Variants in NXPH1 observed in about 807,000 individuals in gnomAD.
The protein encoded by NXPH1 is neurexophilin 1, also known as neurexophilin-1.
A neutral mutation model predicts 23.7 loss-of-function variants in NXPH1; 5 were observed. The observed-to-expected ratio is 0.21, with a 90% confidence interval of 0.11 to 0.44. The LOEUF (loss-of-function observed/expected upper bound fraction) is 0.44. Among genes scored for constraint, NXPH1 ranks in the 20% least tolerant of loss-of-function variants. The probability of loss-of-function intolerance (pLI) is 0.99; values close to 1 mark genes in which losing one functional copy is unlikely to be tolerated. For synonymous variants in NXPH1, 144 were observed against 122.2 expected (o/e 1.18, Z -1.18); for missense variants, 324 against 321.6 (o/e 1.01, Z -0.06).
intron 2 of NXPH1, among the ~76,000 whole-genome samples, chr7:8,617,158 G>A (rs930958421): frequency 1.1e-4 from 16 of 152,066 alleles, no homozygotes; most frequent in African/African-American, 3.1e-4. Flanking sequence ...CCTACAATGC[G>A]CAGAACACTC....
intron 2 of NXPH1, among the ~76,000 whole-genome samples, chr7:8,631,221 A>G (rs1820121825): frequency 6.6e-6 from 1 of 152,188 alleles, no homozygotes; most frequent in Non-Finnish European, 1.5e-5. Context: ...TATCATGAAT[A>G]GTGCTGTAAT....
At chr7:8,595,174 G>A (rs960369654) in intron 2 of NXPH1, among the ~76,000 whole-genome samples, 1 of 151,850 alleles carries the variant, frequency 6.6e-6, no homozygotes, top group Non-Finnish European at 1.5e-5. Flanking sequence ...TATAAAGAAG[G>A]AGTGTTACTT....
intron 2 of NXPH1, among the ~76,000 whole-genome samples, chr7:8,458,417 A>G (rs922273747): frequency 6.6e-6 from 1 of 152,220 alleles, no homozygotes; most frequent in African/African-American, 2.4e-5. Flanking sequence ...ATACCCTGAT[A>G]CAGATTCTCT....
At chr7:8,549,553 T>C (rs1423778679) in intron 2 of NXPH1, among the ~76,000 whole-genome samples, 1 of 151,552 alleles carries the variant, frequency 6.6e-6, no homozygotes, top group Non-Finnish European at 1.5e-5. Flanking sequence ...GATTGTTTTC[T>C]TCCCCCTCTA....
intron 2 of NXPH1, among the ~76,000 whole-genome samples, chr7:8,556,153 A>G (rs1302014974): frequency 1.3e-5 from 2 of 151,648 alleles, no homozygotes; most frequent in Non-Finnish European, 3.0e-5. Flanking sequence ...AAAAATAAGT[A>G]TCTTTATAAT....
At chr7:8,530,131 C>T (rs1476965753) in intron 2 of NXPH1, among the ~76,000 whole-genome samples, 1 of 152,060 alleles carries the variant, frequency 6.6e-6, no homozygotes, top group Admixed American at 6.6e-5. Flanking sequence ...TAGAGAAAAA[C>T]CAATCATCAT....
intron 2 of NXPH1, among the ~76,000 whole-genome samples, chr7:8,595,350 T>C (rs1819198945): frequency 6.6e-6 from 1 of 151,978 alleles, no homozygotes; most frequent in Non-Finnish European, 1.5e-5. Context: ...AAAATATCAT[T>C]GGATGTAGAA....
In NXPH1 at chr7:8,524,279, A is replaced by G. The variant is rs78372609; in HGVS notation, c.54+88512A>G. ...AAAAAAAAAAAGGAAAGCTATTTTC[A>G]TACTTGTGAATCCTTATAGAATGAA... On this transcript the variant is annotated intron_variant, in intron 2 of 2. Coordinates refer to ENST00000405863, the MANE Select transcript of NXPH1 (RefSeq NM_152745.3). 7.6e-4 allele frequency among the ~76,000 whole-genome samples: 111 copies of G among 146,566 alleles called. 1 individual carries two copies. The East Asian group carries it at 0.018, about 24-fold the overall frequency.
chr7:8,572,650 T>C (rs770749499), intron 2 of NXPH1, among the ~76,000 whole-genome samples: 4 of 152,154 alleles, frequency 2.6e-5, no homozygotes, highest in South Asian at 2.1e-4. Flanking sequence ...CAAGGCAATG[T>C]TGAAAAATCA....
chr7:8,470,504 T>A (rs1816855592), intron 2 of NXPH1, among the ~76,000 whole-genome samples: 1 of 152,162 alleles, frequency 6.6e-6, no homozygotes, highest in South Asian at 2.1e-4. Context: ...CTTCTGAATA[T>A]TAGACCATTT....
At chr7:8,569,164 G>C (rs907697321) in intron 2 of NXPH1, among the ~76,000 whole-genome samples, 2 of 151,786 alleles carry the variant, frequency 1.3e-5, no homozygotes, top group Non-Finnish European at 2.9e-5. Context: ...TGGACATGGA[G>C]AGCATCACCT....
intron 2 of NXPH1, among the ~76,000 whole-genome samples, chr7:8,466,415 A>G (rs944863812): frequency 6.6e-6 from 1 of 152,210 alleles, no homozygotes; most frequent in Non-Finnish European, 1.5e-5. Flanking sequence ...AAGCACTAAA[A>G]TGAAGGAACA....
At chr7:8,700,469 G>A (rs1243537615) in intron 2 of NXPH1, among the ~76,000 whole-genome samples, 4 of 151,930 alleles carry the variant, frequency 2.6e-5, no homozygotes, top group African/African-American at 9.7e-5. Context: ...TATAAGTTCT[G>A]TCATAAATGC....
intron 2 of NXPH1, among the ~76,000 whole-genome samples, chr7:8,465,440 TGGTCCAGCTCAGCCTGGGTTGAGTTG>T (rs535234439): frequency 0.019 from 2,959 of 152,268 alleles, 102 homozygotes; most frequent in African/African-American, 0.067. Flanking sequence ...TTTTAGGTCA[TGGTCCAGCTCAGCCTGGGTTGAGTTG>T]GGAAGGATTG....
At chr7:8,479,276 TTGG>T (rs1817032501) in intron 2 of NXPH1, among the ~76,000 whole-genome samples, 1 of 152,128 alleles carries the variant, frequency 6.6e-6, no homozygotes, top group African/African-American at 2.4e-5. Context: ...ATTAACTTCA[TTGG>T]TGGTGGTAGT....
chr7:8,650,711 G>A (rs930753611), intron 2 of NXPH1, among the ~76,000 whole-genome samples: 1 of 152,138 alleles, frequency 6.6e-6, no homozygotes, highest in Admixed American at 6.5e-5. Flanking sequence ...TATCATTTCA[G>A]TTTTGGCAGC....
intron 2 of NXPH1, among the ~76,000 whole-genome samples, chr7:8,718,563 G>A (rs868523433): frequency 3.9e-5 from 6 of 152,210 alleles, no homozygotes; most frequent in African/African-American, 4.8e-5. Flanking sequence ...AATAGTTAAT[G>A]ACATCAAGAG....
intron 2 of NXPH1, among the ~76,000 whole-genome samples, chr7:8,568,189 A>G (rs183087556): frequency 6.6e-6 from 1 of 152,050 alleles, no homozygotes; most frequent in Admixed American, 6.6e-5. Context: ...TCTGTTGACT[A>G]TAACTGGTTC....
rs144810873 is a variant in NXPH1, at chr7:8,634,665, GTTTTTTTTTTTTT to G, written c.55-116325_55-116313del. On this transcript the variant is annotated intron_variant, in intron 2 of 2. Transcript: ENST00000405863. ...TGCATGGTAGAGATTGTCCAGAAGA[GTTTTTTTTTTTTT>G]TTTTTTTTTTTTTTTTTCCAAAGAG... Among the ~76,000 whole-genome samples the G allele has an allele frequency of 1.9e-3, 178 of 95,704 alleles. 2 individuals are homozygous for G. Among genetic ancestry groups the G allele is most frequent in the African/African-American group, 4.4e-3 (125 of 28,282 alleles). 62.8% of individuals were successfully genotyped at this position (95,704 alleles called of 152,430 possible).
Sources: allele counts gnomAD v4.1 joint callset (sites outside exome capture counted in the v4.1 genomes callset), GRCh38; gene constraint gnomAD v4.1.1; transcripts MANE v1.5; gene names NCBI Gene and HGNC (gene_info 2026-07-23, HGNC 2026-07-21).